Variants in PTPRJ observed in about 807,000 individuals in gnomAD.
The protein encoded by PTPRJ is protein tyrosine phosphatase receptor type J.
Under a neutral mutation model 141.3 loss-of-function variants are expected in PTPRJ, and 129 were observed. The ratio of observed to expected loss-of-function variants is 0.91; its 90% CI spans 0.79 to 1.06. PTPRJ has a LOEUF of 1.06. Ranked by LOEUF, PTPRJ falls within the 50% of genes least tolerant of loss-of-function variation. PTPRJ has a pLI of 0.00. For missense variants in PTPRJ, 1,601 were observed against 1,679.7 expected (o/e 0.95, Z 0.82); for synonymous variants, 610 against 640.5 (o/e 0.95, Z 0.72).
intron 24 of PTPRJ, among the ~76,000 whole-genome samples, chr11:48,166,708 C>G (rs540488366): frequency 6.6e-6 from 1 of 152,178 alleles, no homozygotes; most frequent in East Asian, 1.9e-4. Context: ...ACCCTTGTTT[C>G]CTCTTTTCTT....
At chr11:48,051,436 C>G (rs890346271) in intron 1 of PTPRJ, among the ~76,000 whole-genome samples, 4 of 152,146 alleles carry the variant, frequency 2.6e-5, no homozygotes, top group Admixed American at 6.5e-5. Flanking sequence ...CTTGATCATG[C>G]TTTTCCCCCC....
rs550302604 is a variant in PTPRJ, at chr11:48,123,811, C to T, written c.815C>T (p.Pro272Leu). The T allele has an allele frequency of 2.3e-4, 379 of 1,614,080 alleles. No individual in the cohort carries two copies. The highest frequency in any genetic ancestry group is 2.9e-4 in the Non-Finnish European group (345 of 1,179,982). The change falls in exon 5 of 25, where the codon CCG (proline) becomes CTG (leucine). Residue 272 changes from proline (P) to leucine (L), a missense_variant. Pro to Leu is a moderately conservative substitution (Grantham distance 98, BLOSUM62 -3). Transcript: ENST00000418331. ...CCAGGGGTTCAATACAACATCAACC[C>T]GTATCTTCTACAATCAAATAAGACA... ...LKPGVQYNIN[P>L]YLLQSNKTKG...
chr11:48,120,929 A>G, intron 3 of PTPRJ, 74 bp from the exon 4 acceptor site: 1 of 1,326,368 alleles, frequency 7.5e-7, no homozygotes, highest in Non-Finnish European at 1.0e-6. Flanking sequence ...TGGAAACTAG[A>G]CATATAGAGC....
rs538142343 is a variant in PTPRJ at position 48,128,155 on chromosome 11, G to C, written c.1357+112G>C. ...TGACTGTTGGCTGACCACACGCCAAGCTTCGTGTGACATGCTTTCCTTGCA... is the reference window on the plus strand; with the variant it reads ...TGACTGTTGGCTGACCACACGCCAACCTTCGTGTGACATGCTTTCCTTGCA... On this transcript the variant is annotated intron_variant, in intron 7 of 24. Transcript: ENST00000418331. 9 of 1,345,638 alleles carry C rather than the reference G, an allele frequency of 6.7e-6. No individual in the cohort carries two copies. The South Asian group carries it at 8.0e-5, about 12-fold the overall frequency. The allele number at this position is 1,345,638 out of a possible 1,614,324, so 83.4% of individuals were successfully genotyped here. A position where few individuals can be genotyped will look rare whatever the true frequency, so the allele number is the denominator to read the frequency against.
chr11:48,006,578 A>G (rs187687916), intron 1 of PTPRJ, among the ~76,000 whole-genome samples: 2 of 134,082 alleles, frequency 1.5e-5, no homozygotes, highest in African/African-American at 8.1e-5. Context: ...TGTTTCTGCA[A>G]AGAGTCTGGT....
At chr11:48,017,483 C>G (rs184283624) in intron 1 of PTPRJ, among the ~76,000 whole-genome samples, 7 of 152,300 alleles carry the variant, frequency 4.6e-5, no homozygotes, top group Non-Finnish European at 1.0e-4. Context: ...ATAAAAATGT[C>G]TGTGTTATAA....
At chr11:48,014,009 C>G (rs1203178859) in intron 1 of PTPRJ, among the ~76,000 whole-genome samples, 1 of 152,132 alleles carries the variant, frequency 6.6e-6, no homozygotes, top group Non-Finnish European at 1.5e-5. Context: ...GTGAAGCCAG[C>G]TGTTTAGGTC....
At chr11:48,132,557 T>C in intron 8 of PTPRJ, 2 of 978,228 alleles carry the variant, frequency 2.0e-6, no homozygotes, top group Non-Finnish European at 2.4e-6. Flanking sequence ...TTGAAATCTT[T>C]TATACAGAGG....
chr11:48,018,017 T>C, intron 1 of PTPRJ, among the ~76,000 whole-genome samples: 1 of 152,348 alleles, frequency 6.6e-6, no homozygotes, highest in East Asian at 1.9e-4. Flanking sequence ...TGTGTATGCA[T>C]GTGTGAATGG....
intron 10 of PTPRJ, among the ~76,000 whole-genome samples, chr11:48,137,587 T>C (rs1206104230): frequency 6.6e-6 from 1 of 152,164 alleles, no homozygotes. Flanking sequence ...AAGGTGACTT[T>C]TGAGCAAAGA....
chr11:48,061,917 T>G (rs1259652111), intron 1 of PTPRJ, among the ~76,000 whole-genome samples: 2 of 149,848 alleles, frequency 1.3e-5, no homozygotes, highest in Non-Finnish European at 3.0e-5. Context: ...TAGTTTTTTT[T>G]TTTTTTTTTT....
intron 1 of PTPRJ, among the ~76,000 whole-genome samples, chr11:48,017,683 A>C (rs999760312): frequency 1.9e-4 from 29 of 152,124 alleles, no homozygotes; most frequent in African/African-American, 7.0e-4. Context: ...CTGCTCTTCT[A>C]CCTGCATGCA....
At chr11:48,023,734 A>C (rs1003970472) in intron 1 of PTPRJ, among the ~76,000 whole-genome samples, 3 of 151,578 alleles carry the variant, frequency 2.0e-5, no homozygotes, top group Non-Finnish European at 4.4e-5. Flanking sequence ...GTGAGCCGAG[A>C]TCACACCATT....
chr11:47,989,266 T>G (rs1854130169), intron 1 of PTPRJ, among the ~76,000 whole-genome samples: 1 of 151,678 alleles, frequency 6.6e-6, no homozygotes. Context: ...CTTCTTTTTT[T>G]GTTTTCTTTT....
intron 1 of PTPRJ, among the ~76,000 whole-genome samples, chr11:47,990,750 A>G (rs373260101): frequency 8.1e-5 from 12 of 148,946 alleles, no homozygotes; most frequent in African/African-American, 2.2e-4. Context: ...CAGTGGCGCA[A>G]TCTTGGCTCA....
chr11:48,065,796 G>T (rs1855067620), intron 1 of PTPRJ, among the ~76,000 whole-genome samples: 1 of 152,214 alleles, frequency 6.6e-6, no homozygotes, highest in Admixed American at 6.5e-5. Flanking sequence ...GAAGAAGGCA[G>T]AGAGAAGTGG....
chr11:48,049,086 T>A (rs1854483852), intron 1 of PTPRJ, among the ~76,000 whole-genome samples: 1 of 152,132 alleles, frequency 6.6e-6, no homozygotes, highest in African/African-American at 2.4e-5. Context: ...GCTTCCAGGT[T>A]CTGGTACAGT....
intron 1 of PTPRJ, among the ~76,000 whole-genome samples, chr11:48,031,238 A>G (rs1466342600): frequency 4.6e-5 from 7 of 152,194 alleles, no homozygotes; most frequent in Non-Finnish European, 1.5e-5. Flanking sequence ...TCAAAGTTCA[A>G]CTAGCACAGG....
intron 17 of PTPRJ, 22 bp from the exon 18 acceptor site, chr11:48,150,074 C>A (rs1857443644): frequency 6.3e-7 from 1 of 1,596,752 alleles, no homozygotes; most frequent in Admixed American, 1.7e-5. Flanking sequence ...GTAAAAAATC[C>A]TGATAAGTTT....
Sources: gnomAD v4.1 joint callset for allele counts (sites outside exome capture counted in the v4.1 genomes callset) on GRCh38, gnomAD v4.1.1 for gene constraint, MANE v1.5 for transcripts, NCBI Gene and HGNC (gene_info 2026-07-23, HGNC 2026-07-21) for gene names.